Variants in NOS1AP observed in about 807,000 individuals in gnomAD.
The protein encoded by NOS1AP is nitric oxide synthase 1 adaptor protein.
Under a neutral mutation model 56.2 loss-of-function variants are expected in NOS1AP, and 21 were observed. The ratio of observed to expected loss-of-function variants is 0.37; its 90% CI spans 0.26 to 0.54. The LOEUF is 0.54. NOS1AP is among the 20% of genes least tolerant of loss of function. The probability of loss-of-function intolerance (pLI) is 0.84; values close to 1 mark genes in which losing one functional copy is unlikely to be tolerated. For synonymous variants in NOS1AP, 270 were observed against 274.6 expected, an observed-to-expected ratio of 0.98 and a Z score of 0.17; for missense variants, 522 against 657.8, an observed-to-expected ratio of 0.79 and a Z score of 2.26.
At chr1:162,135,660 A>C (rs1648965712) in intron 1 of NOS1AP, among the ~76,000 whole-genome samples, 1 of 152,144 alleles carries the variant, frequency 6.6e-6, no homozygotes, top group Non-Finnish European at 1.5e-5. Flanking sequence ...TTCTGCCTTA[A>C]AGCATGAGGG....
intron 2 of NOS1AP, among the ~76,000 whole-genome samples, chr1:162,222,620 C>T (rs577699997): frequency 1.3e-5 from 2 of 152,322 alleles, no homozygotes; most frequent in South Asian, 4.1e-4. Context: ...GTGATTACTA[C>T]TCAACTTAGT....
chr1:162,290,642 G>A (rs1557865539), intron 3 of NOS1AP, among the ~76,000 whole-genome samples: 1 of 152,208 alleles, frequency 6.6e-6, no homozygotes, highest in African/African-American at 2.4e-5. Context: ...CAGCCGTGAG[G>A]CAATGGTTCC....
intron 2 of NOS1AP, among the ~76,000 whole-genome samples, chr1:162,252,964 A>G (rs1252994098): frequency 1.3e-5 from 2 of 152,184 alleles, no homozygotes; most frequent in Non-Finnish European, 2.9e-5. Flanking sequence ...AGCACTTGGT[A>G]TATGCTGGTA....
At chr1:162,251,685 T>A (rs1557849433) in intron 2 of NOS1AP, among the ~76,000 whole-genome samples, 1 of 151,326 alleles carries the variant, frequency 6.6e-6, no homozygotes, top group Non-Finnish European at 1.5e-5. Flanking sequence ...TGTGTGTATA[T>A]ATACACATAC....
chr1:162,275,093 T>G (rs1654694480), intron 2 of NOS1AP, among the ~76,000 whole-genome samples: 1 of 152,246 alleles, frequency 6.6e-6, no homozygotes. Flanking sequence ...CAGTTTTTTA[T>G]TTTTTATGGA....
chr1:162,088,494 G>A (rs989620505), intron 1 of NOS1AP, among the ~76,000 whole-genome samples: 2 of 152,176 alleles, frequency 1.3e-5, no homozygotes, highest in African/African-American at 4.8e-5. Flanking sequence ...GGGTTGTTCA[G>A]ATTATCGAGC....
At chr1:162,179,313 T>C (rs1651172209) in intron 2 of NOS1AP, among the ~76,000 whole-genome samples, 1 of 152,128 alleles carries the variant, frequency 6.6e-6, no homozygotes, top group South Asian at 2.1e-4. Context: ...CACAGGGAAG[T>C]TGAGTAACCT....
chr1:162,358,560 A>G (rs1326619760), intron 8 of NOS1AP, among the ~76,000 whole-genome samples: 1 of 152,022 alleles, frequency 6.6e-6, no homozygotes, highest in East Asian at 1.9e-4. Context: ...ATATTTGGAG[A>G]AAAAAAATCA....
chr1:162,316,600 T>G (rs904476549), intron 4 of NOS1AP, among the ~76,000 whole-genome samples: 1 of 152,194 alleles, frequency 6.6e-6, no homozygotes, highest in African/African-American at 2.4e-5. Flanking sequence ...TTATTTCACC[T>G]GGGTGCAGGC....
chr1:162,302,144 A>G (rs958783220), intron 4 of NOS1AP, among the ~76,000 whole-genome samples: 15 of 152,176 alleles, frequency 9.9e-5, no homozygotes. Context: ...AATACTTGTT[A>G]TAGTGTTTCT....
intron 2 of NOS1AP, among the ~76,000 whole-genome samples, chr1:162,281,329 C>T (rs1654918327): frequency 6.6e-6 from 1 of 152,260 alleles, no homozygotes; most frequent in African/African-American, 2.4e-5. Context: ...TGAATAACCA[C>T]TGTCAACTAT....
chr1:162,094,350 T>C (rs1363982306), intron 1 of NOS1AP, among the ~76,000 whole-genome samples: 2 of 152,172 alleles, frequency 1.3e-5, no homozygotes, highest in East Asian at 3.9e-4. Context: ...GGGAGAGTGA[T>C]ATTTGCTTGT....
chr1:162,220,542 A>G (rs1043252607), intron 2 of NOS1AP, among the ~76,000 whole-genome samples: 1 of 152,082 alleles, frequency 6.6e-6, no homozygotes. Flanking sequence ...AAATACCCAA[A>G]TTGCAATCTG....
chr1:162,335,027 C>G (rs1204511387), intron 5 of NOS1AP, among the ~76,000 whole-genome samples: 1 of 118,002 alleles, frequency 8.5e-6, no homozygotes, highest in African/African-American at 2.7e-5. Flanking sequence ...TCTGACAAAA[C>G]CTGAGTTTAA....
chr1:162,282,494 G>T (rs1465317336), intron 2 of NOS1AP, among the ~76,000 whole-genome samples: 1 of 136,256 alleles, frequency 7.3e-6, no homozygotes, highest in Non-Finnish European at 1.6e-5. Context: ...TTTGGTTATT[G>T]TAAATACTGC....
intron 2 of NOS1AP, among the ~76,000 whole-genome samples, chr1:162,242,156 CA>C (rs1439822801): frequency 1.3e-5 from 2 of 152,140 alleles, no homozygotes; most frequent in African/African-American, 4.8e-5. Flanking sequence ...GAGTAAGGAA[CA>C]GAGTATATTC....
chr1:162,314,053 G>T (rs1223645426), intron 4 of NOS1AP, among the ~76,000 whole-genome samples: 1 of 152,174 alleles, frequency 6.6e-6, no homozygotes, highest in Non-Finnish European at 1.5e-5. Flanking sequence ...CAAAGCTGGG[G>T]CAGCCTTGAT....
intron 2 of NOS1AP, among the ~76,000 whole-genome samples, chr1:162,233,595 A>G (rs1653196353): frequency 6.6e-6 from 1 of 152,234 alleles, no homozygotes; most frequent in Non-Finnish European, 1.5e-5. Context: ...TATACCCAAT[A>G]GCAGTCACTC....
At chr1:162,361,708 GC>G (rs1657909454) in intron 8 of NOS1AP, among the ~76,000 whole-genome samples, 1 of 152,234 alleles carries the variant, frequency 6.6e-6, no homozygotes, top group Non-Finnish European at 1.5e-5. Flanking sequence ...GGTACAAGGA[GC>G]ATTTTCTCAT....
Sources: gnomAD v4.1 joint callset for allele counts (sites outside exome capture counted in the v4.1 genomes callset) on GRCh38, gnomAD v4.1.1 for gene constraint, MANE v1.5 for transcripts, NCBI Gene and HGNC (gene_info 2026-07-23, HGNC 2026-07-21) for gene names.